The following MYRF variants were observed in gnomAD, a reference collection of about 807,000 sequenced individuals.
MYRF encodes the protein myelin gene regulatory factor.
Under a neutral mutation model 126.3 loss-of-function variants are expected in MYRF, and 16 were observed. The ratio of observed to expected loss-of-function variants is 0.13; its 90% confidence interval spans 0.09 to 0.19. The LOEUF (loss-of-function observed/expected upper bound fraction) is 0.19, where lower values mean the gene tolerates loss of function less well. MYRF is among the 10% of genes least tolerant of loss of function. MYRF has a pLI of 1.00. For missense variants in MYRF, 1,104 were observed against 1,547.0 expected (o/e 0.71, Z 4.80); for synonymous variants, 608 against 635.3 (o/e 0.96, Z 0.65).
chr11:61,766,114 C>T lies in MYRF; in HGVS notation c.291C>T (p.Thr97=), dbSNP rs915420455. The T allele has an allele frequency of 1.2e-6, 2 of 1,609,014 alleles. No individual in the cohort carries two copies. The highest frequency in any genetic ancestry group is 1.7e-6 in the Non-Finnish European group (2 of 1,179,414). Residue 97 remains threonine, a synonymous_variant, in exon 3 of 27, where the codon ACC becomes ACT. Transcript: ENST00000278836. ...HGPLPPPGYG[T]PLNCNNNNGM... ...CCCTCCCACCCCCGGGCTACGGCACCCCGCTGAACTGCAACAACAACAACG... is the reference window on the plus strand; with the variant it reads ...CCCTCCCACCCCCGGGCTACGGCACTCCGCTGAACTGCAACAACAACAACG...
intron 25 of MYRF, 60 bp from the exon 26 acceptor site, chr11:61,785,740 G>C (rs1183066012): frequency 2.8e-6 from 4 of 1,435,954 alleles, no homozygotes; most frequent in Admixed American, 1.7e-5. Flanking sequence ...GCCGTGGTGA[G>C]AGATGCTGGT....
chr11:61,758,472 G>C (rs150146529), intron 1 of MYRF, among the ~76,000 whole-genome samples: 1 of 152,274 alleles, frequency 6.6e-6, no homozygotes, highest in African/African-American at 2.4e-5. Flanking sequence ...GGGAGGGTCT[G>C]ACAGCAGGCG....
In MYRF at chr11:61,769,341, C is replaced by A. The variant is rs751543001; in HGVS notation, c.460+20C>A. ...TGAATGGTGAGTCCAGCGGGCACCG[C>A]CCTCCTGCTCCAGGGTTTGGGCAAG... On this transcript the variant is annotated intron_variant, in intron 4 of 26. Coordinates refer to ENST00000278836, the MANE Select transcript of MYRF (RefSeq NM_001127392.3). The A allele has an allele frequency of 6.3e-7, 1 of 1,597,972 alleles. No individual in the cohort carries two copies. Among genetic ancestry groups the A allele is most frequent in the African/African-American group, 1.3e-5 (1 of 74,786 alleles).
intron 1 of MYRF, chr11:61,755,459 A>G (rs769407025): frequency 6.2e-7 from 1 of 1,609,082 alleles, no homozygotes; most frequent in Admixed American, 1.7e-5. Flanking sequence ...GGGCCATGGT[A>G]TAAGGGGGCT....
Position 61,783,942 on chromosome 11 carries a change from G to T in MYRF, c.3194+17G>T, listed in dbSNP as rs1410764840. On this transcript the variant is annotated intron_variant, in intron 24 of 26. Transcript: ENST00000278836. The surrounding 1 kb of genome is among the most constrained non-coding windows in gnomAD (Gnocchi z 4.6). ...GCAGATGAAGTGAGTGCCGGTGTGG[G>T]GAAGTGGGAGGCAGGAGGGGAGCCA... is the stretch of plus-strand genomic sequence containing the variant. The T allele has an allele frequency of 3.8e-6, 6 of 1,590,164 alleles. No individual in the cohort carries two copies. Among genetic ancestry groups the T allele is most frequent in the Non-Finnish European group, 5.1e-6 (6 of 1,166,722 alleles).
At position 61,777,840 on chromosome 11, in the gene MYRF, A is replaced by C. The variant is rs1368609268; in HGVS notation, c.1898A>C (p.Glu633Ala). 11 of 1,551,776 alleles carry C rather than the reference A, an allele frequency of 7.1e-6. No individual in the cohort carries two copies. Among genetic ancestry groups the C allele is most frequent in the African/African-American group, 1.4e-5 (1 of 73,032 alleles). ...GCGGGCATCGAGGCCACCGCGCCAG[A>C]GACAGGTAGGGACCGGGCTGGTGCG... ...ASAGIEATAP[E>A]TGVIAQEVKE... Residue 633 changes from glutamate (E) to alanine (A), a missense_variant, in exon 13 of 27, where the codon GAG (glutamate) becomes GCG (alanine). Physicochemically the swap from Glu to Ala is moderately radical, Grantham distance 107 (BLOSUM62 -1). Transcript: ENST00000278836. This position sits in a 1 kb window ranked among gnomAD's most constrained non-coding sequence, Gnocchi z 8.8.
rs766055124 is a variant in MYRF, at chr11:61,776,126, C to T, written c.1382C>T (p.Pro461Leu). The T allele has an allele frequency of 1.5e-5, 25 of 1,613,930 alleles. No homozygotes were observed. Among genetic ancestry groups the T allele is most frequent in the Non-Finnish European group, 2.0e-5 (24 of 1,179,950 alleles). The change falls in exon 9 of 27, where the codon CCG becomes CTG. Residue 461 changes from proline to leucine, a missense_variant. Physicochemically the swap from Pro to Leu is moderately conservative, Grantham distance 98. Around this residue, in one of 10 missense-constraint regions of MYRF, gnomAD observed 23 missense variants for 26.6 expected, o/e 0.86. Coordinates refer to ENST00000278836, the MANE Select transcript of MYRF (RefSeq NM_001127392.3). This position sits in a 1 kb window ranked among gnomAD's most constrained non-coding sequence, Gnocchi z 4.3. ...QSDRSKRPFN[P>L]VTVNLPPEQV... ...GACCGGAGCAAGCGGCCCTTCAACC[C>T]GGTCACGTGAGTGTCTGACCCTGTT...
At chr11:61,780,559 T>A (rs1005427778) in intron 18 of MYRF, among the ~76,000 whole-genome samples, 153 bp from the exon 19 acceptor site, 17 of 152,152 alleles carry the variant, frequency 1.1e-4, no homozygotes, top group Admixed American at 1.1e-3. Flanking sequence ...GGGGCTGGGG[T>A]TGGAACATGG....
rs1257919496 is a variant in MYRF, at chr11:61,769,198, G to GC, written c.399-59dup. The GC allele has an allele frequency of 3.1e-5, 31 of 990,680 alleles. No homozygotes were observed. In the Admixed American group the frequency reaches 6.6e-4, roughly 21 times the overall value. 61.4% of individuals were successfully genotyped at this position (990,680 alleles called of 1,614,324 possible). A position where few individuals can be genotyped will look rare whatever the true frequency, so the allele number is the denominator to read the frequency against. ...TGGGACCCTACCACGCAGAGAAGCT[G>GC]CCCAGCTGGAAGGCAGAAGCTCAGC... On this transcript the variant is annotated intron_variant, in intron 3 of 26. Transcript: ENST00000278836.
rs2066468429 is a variant in MYRF at position 61,779,044 on chromosome 11, G to A, written c.2014-219G>A. 3.1e-5 allele frequency: 20 copies of A among 655,366 alleles called. No individual in the cohort carries two copies. The South Asian group carries it at 3.1e-4, about 10-fold the overall frequency. 40.6% of individuals were successfully genotyped at this position (655,366 alleles called of 1,614,324 possible). A position where few individuals can be genotyped will look rare whatever the true frequency, so the allele number is the denominator to read the frequency against. ...GGCAGGTGGGACAGCCCAGGTGAAGGTGCAGAGGTGGAGGTGTTGCTCGGA... is the reference window on the plus strand; with the variant it reads ...GGCAGGTGGGACAGCCCAGGTGAAGATGCAGAGGTGGAGGTGTTGCTCGGA... On this transcript the variant is annotated intron_variant, in intron 14 of 26. Transcript: ENST00000278836.
chr11:61,784,152 G>C (rs1591133971), intron 24 of MYRF, 128 bp from the exon 25 acceptor site: 1 of 1,018,548 alleles, frequency 9.8e-7, no homozygotes, highest in East Asian at 2.6e-5. Flanking sequence ...TTTGTTCGAG[G>C]GCCCTGGTTA....
Position 61,777,713 on chromosome 11 carries a change from C to T in MYRF, c.1792-21C>T. 1 of 1,547,464 alleles carries T rather than the reference C, an allele frequency of 6.5e-7. No individual in the cohort carries two copies. The highest frequency in any genetic ancestry group is 1.2e-5 in the South Asian group (1 of 83,916). On this transcript the variant is annotated intron_variant, in intron 12 of 26. Coordinates refer to ENST00000278836, the MANE Select transcript of MYRF (RefSeq NM_001127392.3). This position sits in a 1 kb window ranked among gnomAD's most constrained non-coding sequence, Gnocchi z 8.8. ...GGGACGGCCGCAGGAGGGGTTCATT[C>T]CCGGGCCTGGCTCCCCGCAGGTGGA... is the stretch of plus-strand genomic sequence containing the variant.
chr11:61,758,349 T>C (rs479038), intron 1 of MYRF, among the ~76,000 whole-genome samples: 145,691 of 152,292 alleles, frequency 0.96, 70,005 homozygotes, highest in East Asian at 1. Context: ...CTTCTCCCTC[T>C]ATGGCTGGGG....
chr11:61,770,639 G>A (rs2066193241), intron 5 of MYRF, 114 bp downstream of exon 5: 1 of 1,041,022 alleles, frequency 9.6e-7, no homozygotes, highest in Non-Finnish European at 1.4e-6. Context: ...CACCCAGGGA[G>A]GGCAGAAGGC....
chr11:61,768,487 T>C (rs1479462093), intron 3 of MYRF: 1 of 152,222 alleles, frequency 6.6e-6, no homozygotes, highest in African/African-American at 2.4e-5. Flanking sequence ...GTTGTATAGG[T>C]TTCTACATGA....
At chr11:61,780,643 C>T (rs2066516125) in intron 18 of MYRF, 69 bp from the exon 19 acceptor site, 1 of 1,474,406 alleles carries the variant, frequency 6.8e-7, no homozygotes, top group Non-Finnish European at 9.2e-7. Context: ...CCTGGGGCCA[C>T]CTCTGACTGT....
At position 61,776,218 on chromosome 11, in the gene MYRF, C is replaced by G; in HGVS notation, c.1388+86C>G. 6.3e-7 allele frequency: 1 copy of G among 1,577,126 alleles called. No homozygotes were observed. The highest frequency in any genetic ancestry group is 8.7e-7 in the Non-Finnish European group (1 of 1,148,812). On this transcript the variant is annotated intron_variant, in intron 9 of 26. Coordinates refer to ENST00000278836, the MANE Select transcript of MYRF (RefSeq NM_001127392.3). This position sits in a 1 kb window ranked among gnomAD's most constrained non-coding sequence, Gnocchi z 4.3. ...GGAATGGAGGGGCCAGGGAGGTACCCAGGGTGTCCGCCTCATGTACGTTGC... is the reference window on the plus strand; with the variant it reads ...GGAATGGAGGGGCCAGGGAGGTACCGAGGGTGTCCGCCTCATGTACGTTGC...
At chr11:61,774,336 T>C (rs905212880) in intron 8 of MYRF, among the ~76,000 whole-genome samples, 174 bp downstream of exon 8, 2 of 152,056 alleles carry the variant, frequency 1.3e-5, no homozygotes, top group Admixed American at 6.5e-5. Flanking sequence ...CTGGCCAACA[T>C]GGTGAAACCC....
At chr11:61,769,563 T>C (rs903589274) in intron 4 of MYRF, among the ~76,000 whole-genome samples, 10 of 152,254 alleles carry the variant, frequency 6.6e-5, no homozygotes, top group African/African-American at 2.4e-4. Context: ...TGCGCCATCA[T>C]GGACGCACCC....
Sources: gnomAD v4.1 joint callset for allele counts (sites outside exome capture counted in the v4.1 genomes callset) on GRCh38, gnomAD v4.1.1 for gene constraint, gnomAD v4.1.1 regional missense constraint, Gnocchi (gnomAD v3.1) non-coding constraint, MANE v1.5 for transcripts, NCBI Gene and HGNC (gene_info 2026-07-23, HGNC 2026-07-21) for gene names.